Variants in INTS11 observed in about 807,000 individuals in gnomAD.
The protein encoded by INTS11 is CPSF3-like protein.
INTS11 carries 77 observed loss-of-function variants against 78.6 expected under a neutral mutation model. The ratio of observed to expected loss-of-function variants is 0.98; its 90% CI spans 0.81 to 1.18. INTS11 has a LOEUF of 1.18. INTS11 is among the 50% of genes most tolerant of loss of function. INTS11 has a pLI of 0.00. For missense variants in INTS11, 875 were observed against 825.9 expected, an observed-to-expected ratio of 1.06 and a Z score of -0.73; for synonymous variants, 441 against 326.9, an observed-to-expected ratio of 1.35 and a Z score of -3.77.
Position 1,319,377 on chromosome 1 carries a change from G to C in INTS11, c.348C>G (p.Gly116=). 6.2e-7 allele frequency: 1 copy of C among 1,613,340 alleles called. No homozygotes were observed. Among genetic ancestry groups the C allele is most frequent in the Non-Finnish European group, 8.5e-7 (1 of 1,179,990 alleles). ...DYRKIAVDKK[G]EANFFTSQMI... ...TCTGGGAGGTGAAGAAGTTGGCCTC[G>C]CCCTTCTTGTCTACGGCGATCTTGC... is the stretch of plus-strand genomic sequence containing the variant. Residue 116 remains glycine (G), a synonymous_variant, in exon 4 of 17, where the codon GGC becomes GGG. Coordinates refer to ENST00000435064, the MANE Select transcript of INTS11 (RefSeq NM_017871.6).
chr1:1,323,255 G>A lies in INTS11; in HGVS notation c.28+1326C>T, dbSNP rs746260990. 2.5e-5 allele frequency: 39 copies of A among 1,550,268 alleles called. 1 individual carries two copies. In the Middle Eastern group the frequency reaches 1.8e-3, roughly 73 times the overall value. On this transcript the variant is annotated intron_variant, in intron 1 of 16. Transcript: ENST00000435064. ...GCCCTCGACCCCCTGCCCGGTGGAA[G>A]GACCAGGTTCCAGGACAGCACAGGG...
intron 10 of INTS11, 159 bp from the exon 11 acceptor site, chr1:1,313,283 A>G: frequency 1.0e-6 from 1 of 954,228 alleles, no homozygotes; most frequent in Non-Finnish European, 1.6e-6. Flanking sequence ...AGGTTTTGGC[A>G]CAAGACTGTC....
intron 1 of INTS11, 135 bp from the exon 2 acceptor site, chr1:1,321,228 G>A (rs76947392): frequency 0.11 from 73,553 of 643,258 alleles, 5,435 homozygotes; most frequent in Non-Finnish European, 0.16. Context: ...GGGCCAAGAA[G>A]CAGGGCCACC....
intron 1 of INTS11, among the ~76,000 whole-genome samples, chr1:1,323,887 CT>C (rs1429256040): frequency 4.1e-4 from 5 of 12,066 alleles, no homozygotes; most frequent in Non-Finnish European, 4.6e-4. Context: ...GGCTGAGGGG[CT>C]TGCGGGGTTA....
At chr1:1,315,326 G>A (rs1250339330) in intron 6 of INTS11, 78 bp downstream of exon 6, 1 of 1,564,390 alleles carries the variant, frequency 6.4e-7, no homozygotes, top group African/African-American at 1.4e-5. Flanking sequence ...GCCACTCAAG[G>A]GCTGGCACCC....
Position 1,312,640 on chromosome 1 carries a change from A to G in INTS11, c.1355T>C (p.Ile452Thr). The G allele has an allele frequency of 6.3e-7, 1 of 1,591,284 alleles. No homozygotes were observed. The highest frequency in any genetic ancestry group is 8.6e-7 in the Non-Finnish European group (1 of 1,165,038). Residue 452 changes from isoleucine to threonine, a missense_variant, in exon 13 of 17, where the codon ATC (isoleucine) becomes ACC (threonine). Coordinates refer to ENST00000435064, the MANE Select transcript of INTS11 (RefSeq NM_017871.6). ...ETVTLPTSPS[I>T]PVGISLGLLK... ...CAGCCCCAGCGAGATGCCTACGGGG[A>G]TGCTGGGGCTTGTGGGCAGCGTCAC...
intron 5 of INTS11, 38 bp downstream of exon 5, chr1:1,315,482 C>T: frequency 6.2e-7 from 1 of 1,612,884 alleles, no homozygotes; most frequent in Non-Finnish European, 8.5e-7. Context: ...GCCTCCCACC[C>T]CAGCAGCCCC....
Position 1,312,809 on chromosome 1 carries a change from C to T in INTS11, c.1272G>A (p.Lys424=). ...HGEAKKMEFL[K]QKIEQELRVN... is the part of the protein sequence containing the mutation. ...TACGGAGCTCCTGCTCGATCTTCTG[C>T]TTCAGGAACTCCATCTTCTTGGCCT... Residue 424 remains lysine, a synonymous_variant, in exon 12 of 17, where the codon AAG becomes AAA. Coordinates refer to ENST00000435064, the MANE Select transcript of INTS11 (RefSeq NM_017871.6). The T allele has an allele frequency of 1.2e-6, 2 of 1,610,272 alleles. No homozygotes were observed. Among genetic ancestry groups the T allele is most frequent in the African/African-American group, 1.3e-5 (1 of 75,048 alleles).
At chr1:1,322,093 T>G in intron 1 of INTS11, 28 of 640,254 alleles carry the variant, frequency 4.4e-5, no homozygotes, top group Middle Eastern at 2.7e-4. Flanking sequence ...CTGCATCTCC[T>G]ACCCCAAGCC....
chr1:1,320,227 G>C (rs1055379550), intron 3 of INTS11: 1 of 540,728 alleles, frequency 1.8e-6, no homozygotes. Context: ...AAGCCTGGAG[G>C]GCCGGGTTCA....
rs575019749 is a variant in INTS11 at position 1,322,203 on chromosome 1, GC to G, written c.29-1111del. ...GCCACAGAGGCACTTGTGGCACACG[GC>G]CCCGAGGCATGGGGCCCGGGCTGGT... is the stretch of plus-strand genomic sequence containing the variant. On this transcript the variant is annotated intron_variant, in intron 1 of 16. Coordinates refer to ENST00000435064, the MANE Select transcript of INTS11 (RefSeq NM_017871.6). Among the ~76,000 whole-genome samples, 159 of 152,140 alleles carry G rather than the reference GC, an allele frequency of 1.0e-3. 1 individual carries two copies. Among genetic ancestry groups the G allele is most frequent in the African/African-American group, 3.6e-3 (149 of 41,514 alleles).
At chr1:1,318,438 C>T (rs1642742569) in intron 4 of INTS11, among the ~76,000 whole-genome samples, 1 of 151,852 alleles carries the variant, frequency 6.6e-6, no homozygotes, top group Non-Finnish European at 1.5e-5. Context: ...TGGGAGGATC[C>T]CTGGAGCCCA....
intron 9 of INTS11, 51 bp downstream of exon 9, chr1:1,313,681 C>T (rs1395898967): frequency 9.3e-6 from 15 of 1,610,274 alleles, no homozygotes; most frequent in Non-Finnish European, 1.1e-5. Context: ...CTGCGGAAGA[C>T]AGGAGACCGA....
Position 1,312,213 on chromosome 1 carries a change from G to GCCCGGCCCCCCCCCCCCCCCCC in INTS11, c.1607+12_1607+13insGGGGGGGGGGGGGGGGGCCGGG. 1 of 934,592 alleles carries GCCCGGCCCCCCCCCCCCCCCCC rather than the reference G, an allele frequency of 1.1e-6. No individual in the cohort carries two copies. The highest frequency in any genetic ancestry group is 1.6e-6 in the Non-Finnish European group (1 of 636,644). The allele number at this position is 934,592 out of a possible 1,614,324, so 57.9% of individuals were successfully genotyped here. ...CCCAAGGGAGTGGGGGGGGGGCGGG[G>GCCCGGCCCCCCCCCCCCCCCCC]CCGGGCGCCCACCTCTTGAGGTGGC... is the stretch of plus-strand genomic sequence containing the variant. On this transcript the variant is annotated intron_variant, in intron 15 of 16. Coordinates refer to ENST00000435064, the MANE Select transcript of INTS11 (RefSeq NM_017871.6).
At position 1,314,463 on chromosome 1, in the gene INTS11, C is replaced by A. The variant is rs1475922006; in HGVS notation, c.703-98G>T. 3 of 1,072,550 alleles carry A rather than the reference C, an allele frequency of 2.8e-6. No homozygotes were observed. The highest frequency in any genetic ancestry group is 5.2e-5 in the East Asian group (2 of 38,346). 66.4% of individuals were successfully genotyped at this position (1,072,550 alleles called of 1,614,324 possible). On this transcript the variant is annotated intron_variant, in intron 7 of 16. Transcript: ENST00000435064. The surrounding 1 kb of genome is among the most constrained non-coding windows in gnomAD (Gnocchi z 4.2). ...CGGCCAGGTGCCCAAGAGCTGCGGC[C>A]TCATAGGGACCTTAGCCTCTCATCT...
rs759467187 is a variant in INTS11 at position 1,324,635 on chromosome 1, G to A, written c.-27C>T. The A allele has an allele frequency of 7.5e-6, 12 of 1,598,374 alleles. No individual in the cohort carries two copies. The South Asian group carries it at 9.0e-5, about 12-fold the overall frequency. ...GTCTCCGCCGCGCTCCCGGACCCGCGAGGCCCGCCTGCGGTGATGCACTGC... is the reference window on the plus strand; with the variant it reads ...GTCTCCGCCGCGCTCCCGGACCCGCAAGGCCCGCCTGCGGTGATGCACTGC... On this transcript the variant is annotated 5_prime_UTR_variant, in exon 1 of 17. Coordinates refer to ENST00000435064, the MANE Select transcript of INTS11 (RefSeq NM_017871.6).
rs1183703782 is a variant in INTS11, at chr1:1,315,266, C to T, written c.563+138G>A. 18 of 1,085,330 alleles carry T rather than the reference C, an allele frequency of 1.7e-5. 1 individual carries two copies. The highest frequency in any genetic ancestry group is 5.3e-5 in the South Asian group (4 of 75,228). 67.2% of individuals were successfully genotyped at this position (1,085,330 alleles called of 1,614,324 possible). A position where few individuals can be genotyped will look rare whatever the true frequency, so the allele number is the denominator to read the frequency against. The stretch of plus-strand genomic sequence containing the variant: ...TGCCTTCGCGCATTTGGGCCCAGAA[C>T]GAAGGGGGCTCTCCAGGCCGCACAG... On this transcript the variant is annotated intron_variant, in intron 6 of 16. Transcript: ENST00000435064.
At chr1:1,321,907 C>T in intron 1 of INTS11, 1 of 1,313,086 alleles carries the variant, frequency 7.6e-7, no homozygotes, top group Non-Finnish European at 9.9e-7. Context: ...ATCCCACCCA[C>T]CTCCCCCTGC....
chr1:1,314,800 T>A lies in INTS11; in HGVS notation c.702+24A>T. The A allele has an allele frequency of 1.2e-6, 2 of 1,601,832 alleles. No individual in the cohort carries two copies. The highest frequency in any genetic ancestry group is 8.5e-7 in the Non-Finnish European group (1 of 1,171,274). On this transcript the variant is annotated intron_variant, in intron 7 of 16. Transcript: ENST00000435064. The surrounding 1 kb of genome is among the most constrained non-coding windows in gnomAD (Gnocchi z 4.2). ...CCAGCCCAGCATGGCCGAGGGCCCA[T>A]GTCCCCACCCCTGCTGCAGCTACCT...
Sources: gnomAD v4.1 joint callset for allele counts (sites outside exome capture counted in the v4.1 genomes callset) on GRCh38, gnomAD v4.1.1 for gene constraint, Gnocchi (gnomAD v3.1) non-coding constraint, MANE v1.5 for transcripts, NCBI Gene and HGNC (gene_info 2026-07-23, HGNC 2026-07-21) for gene names.